Variants in UPF2 observed in about 807,000 individuals in gnomAD.
The protein encoded by UPF2 is regulator of nonsense transcripts 2.
A neutral mutation model predicts 141.4 loss-of-function variants in UPF2; 17 were observed. The observed-to-expected ratio is 0.12, with a 90% CI of 0.08 to 0.18. The LOEUF is 0.18. Among genes scored for constraint, UPF2 ranks in the 10% least tolerant of loss-of-function variants. The pLI is 1.00. For synonymous variants in UPF2, 540 were observed against 498.0 expected, an observed-to-expected ratio of 1.08 and a Z score of -1.12; for missense variants, 1,152 against 1,515.9, an observed-to-expected ratio of 0.76 and a Z score of 3.99.
chr10:12,009,627 A>G (rs1834094459), intron 4 of UPF2, among the ~76,000 whole-genome samples: 1 of 152,224 alleles, frequency 6.6e-6, no homozygotes, highest in African/African-American at 2.4e-5. Context: ...CAGCTCTACA[A>G]TTGCCCCAGC....
intron 9 of UPF2, among the ~76,000 whole-genome samples, chr10:11,976,037 T>C (rs531021913): frequency 9.8e-5 from 15 of 152,348 alleles, no homozygotes; most frequent in African/African-American, 3.6e-4. Flanking sequence ...TCTTGAAATC[T>C]AGTGCCAAAC....
At chr10:11,927,799 A>C (rs1832731317) in intron 21 of UPF2, among the ~76,000 whole-genome samples, 1 of 152,136 alleles carries the variant, frequency 6.6e-6, no homozygotes, top group Non-Finnish European at 1.5e-5. Context: ...ATTTGATTAG[A>C]GTTATCTGAG....
intron 1 of UPF2, 44 bp from the exon 2 acceptor site, chr10:12,035,485 T>C: frequency 6.8e-7 from 1 of 1,460,118 alleles, no homozygotes; most frequent in South Asian, 1.5e-5. Context: ...GCAGTGACTT[T>C]TTAAAATGAT....
At chr10:12,004,752 AT>A in intron 4 of UPF2, 25 bp from the exon 5 acceptor site, 1 of 1,600,828 alleles carries the variant, frequency 6.2e-7, no homozygotes, top group South Asian at 1.1e-5. Flanking sequence ...ATCACAAGTA[AT>A]TAACATAACT....
chr10:12,018,248 GAC>G (rs1034261786), intron 3 of UPF2, among the ~76,000 whole-genome samples: 2 of 152,204 alleles, frequency 1.3e-5, no homozygotes, highest in African/African-American at 4.8e-5. Flanking sequence ...ACAAGTCCGA[GAC>G]CAACCTGGGC....
In UPF2 at chr10:12,035,431, C is replaced by A; in HGVS notation, c.-8G>T. ...TTTACGCTCAGCTGGCATTATGTGA[C>A]CCAGGACAATCTGTAAGAGGGAAAG... is the stretch of plus-strand genomic sequence containing the variant. On this transcript the variant is annotated 5_prime_UTR_variant, in exon 2 of 22. Transcript: ENST00000357604. The A allele has an allele frequency of 6.5e-7, 1 of 1,546,612 alleles. No homozygotes were observed. The highest frequency in any genetic ancestry group is 8.7e-7 in the Non-Finnish European group (1 of 1,155,390).
chr10:11,952,469 CTTTTTT>C (rs869201076), intron 14 of UPF2, among the ~76,000 whole-genome samples: 1 of 97,740 alleles, frequency 1.0e-5, no homozygotes, highest in Non-Finnish European at 1.9e-5. Flanking sequence ...TACTAAATAT[CTTTTTT>C]TTTTTTTTTT....
chr10:11,934,716 A>G (rs575885840), intron 19 of UPF2, among the ~76,000 whole-genome samples: 161 of 152,150 alleles, frequency 1.1e-3, no homozygotes, highest in Admixed American at 2.0e-3. Flanking sequence ...CAGCCTCCTG[A>G]GTAGCTGGGA....
At chr10:12,033,554 A>G (rs1298651750) in intron 2 of UPF2, among the ~76,000 whole-genome samples, 3 of 152,154 alleles carry the variant, frequency 2.0e-5, no homozygotes. Context: ...CACTGTACAA[A>G]ATATATTAGC....
chr10:11,937,414 A>G (rs1452333600), intron 18 of UPF2, among the ~76,000 whole-genome samples: 1 of 152,220 alleles, frequency 6.6e-6, no homozygotes, highest in Non-Finnish European at 1.5e-5. Context: ...CCTGTGGAGG[A>G]GATGAAGTGA....
Position 11,921,036 on chromosome 10 carries a change from T to C in UPF2, c.*262A>G, listed in dbSNP as rs948109978. On this transcript the variant is annotated 3_prime_UTR_variant, in exon 22 of 22. Transcript: ENST00000357604. This position sits in a 1 kb window ranked among gnomAD's most constrained non-coding sequence, Gnocchi z 5.9. Reference sequence around the variant, plus strand: ...CAAGTGAACCATCTCATTTCTTGACTGCCATTCTCAAGAGAAGATTAACCC... The same window carrying C: ...CAAGTGAACCATCTCATTTCTTGACCGCCATTCTCAAGAGAAGATTAACCC... The C allele has an allele frequency of 1.4e-6, 1 of 705,876 alleles. No homozygotes were observed. The highest frequency in any genetic ancestry group is 1.4e-5 in the South Asian group (1 of 73,086). 43.7% of individuals were successfully genotyped at this position (705,876 alleles called of 1,614,324 possible).
rs976876671 is a variant in UPF2, at chr10:11,956,305, G to A, written c.2574+15C>T. On this transcript the variant is annotated intron_variant, in intron 13 of 21. Transcript: ENST00000357604. This position sits in a 1 kb window ranked among gnomAD's most constrained non-coding sequence, Gnocchi z 4.2. ...CGAATTCCAGTTGTGTGACATTAAA[G>A]GAAGTCTTGTTTACCTCCATTCCTA... 2 of 1,611,692 alleles carry A rather than the reference G, an allele frequency of 1.2e-6. No homozygotes were observed. The highest frequency in any genetic ancestry group is 1.7e-6 in the Non-Finnish European group (2 of 1,177,932).
At chr10:12,032,431 G>A (rs1834542035) in intron 2 of UPF2, among the ~76,000 whole-genome samples, 1 of 152,050 alleles carries the variant, frequency 6.6e-6, no homozygotes, top group Admixed American at 6.6e-5. Context: ...AATACTCCAG[G>A]GGGAAAAAGT....
At chr10:12,003,006 A>G (rs751163285) in intron 5 of UPF2, among the ~76,000 whole-genome samples, 3 of 152,172 alleles carry the variant, frequency 2.0e-5, no homozygotes, top group Non-Finnish European at 4.4e-5. Context: ...ACTTGATGTC[A>G]TATCTTATTT....
Position 11,948,358 on chromosome 10 carries a change from A to C in UPF2, c.3174+11T>G. 1 of 1,566,744 alleles carries C rather than the reference A, an allele frequency of 6.4e-7. No individual in the cohort carries two copies. Among genetic ancestry groups the C allele is most frequent in the Non-Finnish European group, 8.7e-7 (1 of 1,153,762 alleles). On this transcript the variant is annotated intron_variant, in intron 16 of 21. Coordinates refer to ENST00000357604, the MANE Select transcript of UPF2 (RefSeq NM_015542.4). Reference sequence around the variant, plus strand: ...AATGTACTCTATGTTGCTACATATAAAAGTCATCACCTCTTCTTCTGGCTC... The same window carrying C: ...AATGTACTCTATGTTGCTACATATACAAGTCATCACCTCTTCTTCTGGCTC...
chr10:12,029,441 T>C lies in UPF2; in HGVS notation c.449A>G (p.Asn150Ser). ...LRKELRSKNQ[N>S]APDSRPEENF... ...TTCCTCTGGTCGGCTGTCCGGAGCA[T>C]TTTGGTTTTTGCTACGAAGTTCCTT... The change falls in exon 3 of 22, where the codon AAT becomes AGT. Residue 150 changes from asparagine (N) to serine (S), a missense_variant. Physicochemically the swap from Asn to Ser is conservative, Grantham distance 46 (BLOSUM62 1). Transcript: ENST00000357604. The C allele has an allele frequency of 3.7e-6, 6 of 1,613,718 alleles. No individual in the cohort carries two copies. The highest frequency in any genetic ancestry group is 5.1e-6 in the Non-Finnish European group (6 of 1,179,954).
intron 10 of UPF2, among the ~76,000 whole-genome samples, chr10:11,965,460 TTTTA>T (rs1361039604): frequency 1.3e-5 from 2 of 152,126 alleles, no homozygotes; most frequent in African/African-American, 4.8e-5. Context: ...CTTATTAGTA[TTTTA>T]TTTATTTATT....
Position 11,948,484 on chromosome 10 carries a change from T to C in UPF2, c.3059A>G (p.Lys1020Arg). The C allele has an allele frequency of 1.9e-6, 3 of 1,612,934 alleles. No homozygotes were observed. The highest frequency in any genetic ancestry group is 2.5e-6 in the Non-Finnish European group (3 of 1,179,910). Residue 1020 changes from lysine (K) to arginine (R), a missense_variant, in exon 16 of 22, where the codon AAA becomes AGA. Coordinates refer to ENST00000357604, the MANE Select transcript of UPF2 (RefSeq NM_015542.4). Reference protein sequence around the residue: ...KLGLVNDKDSKDSMTEGENLE... With the variant: ...KLGLVNDKDSRDSMTEGENLE... ...ATTTTCTCCTTCTGTCATAGAATCTTTTGAGTCTTTGTCATTTACTAGGCC... is the reference window on the plus strand; with the variant it reads ...ATTTTCTCCTTCTGTCATAGAATCTCTTGAGTCTTTGTCATTTACTAGGCC...
Position 11,980,593 on chromosome 10 carries a change from C to A in UPF2, c.1845-1428G>T, listed in dbSNP as rs1251751590. 2.0e-5 allele frequency among the ~76,000 whole-genome samples: 3 copies of A among 151,686 alleles called. No homozygotes were observed. The East Asian group carries it at 5.9e-4, about 30-fold the overall frequency. On this transcript the variant is annotated intron_variant, in intron 8 of 21. Transcript: ENST00000357604. The surrounding 1 kb of genome is among the most constrained non-coding windows in gnomAD (Gnocchi z 4.2). ...ACCAAAAATATAAAAATTAGCTGGG[C>A]GTGGTGACAGATGCCTGCAATCCCA...
Sources: gnomAD v4.1 joint callset for allele counts (sites outside exome capture counted in the v4.1 genomes callset) on GRCh38, gnomAD v4.1.1 for gene constraint, Gnocchi (gnomAD v3.1) non-coding constraint, MANE v1.5 for transcripts, NCBI Gene and HGNC (gene_info 2026-07-23, HGNC 2026-07-21) for gene names.